PBX1: variants seen among roughly 807,000 people sequenced by gnomAD.
PBX1 encodes the protein pre-B-cell leukemia transcription factor 1.
Under a neutral mutation model 53.4 loss-of-function variants are expected in PBX1, and 6 were observed. The ratio of observed to expected loss-of-function variants is 0.11; its 90% CI spans 0.06 to 0.22. The LOEUF (loss-of-function observed/expected upper bound fraction) is 0.22. Ranked by LOEUF, PBX1 falls within the 10% of genes least tolerant of loss-of-function variation. The pLI is 1.00. For missense variants in PBX1, 251 were observed against 551.4 expected (o/e 0.46, Z 5.46); for synonymous variants, 204 against 212.3 (o/e 0.96, Z 0.34).
At chr1:164,777,599 AG>A (rs1227229477) in intron 2 of PBX1, among the ~76,000 whole-genome samples, 1 of 152,270 alleles carries the variant, frequency 6.6e-6, no homozygotes, top group African/African-American at 2.4e-5. Flanking sequence ...CTACAGTAGT[AG>A]CAAACAAAGG....
chr1:164,752,160 G>A (rs1041297909), intron 2 of PBX1, among the ~76,000 whole-genome samples: 4 of 151,204 alleles, frequency 2.6e-5, no homozygotes, highest in Non-Finnish European at 5.9e-5. Context: ...ACAAACAAGC[G>A]GAGATGTCAA....
At chr1:164,669,500 A>G (rs1031453046) in intron 2 of PBX1, among the ~76,000 whole-genome samples, 1 of 152,132 alleles carries the variant, frequency 6.6e-6, no homozygotes, top group African/African-American at 2.4e-5. Context: ...TGTTTCACAG[A>G]AATTTTATTC....
chr1:164,700,814 G>C, intron 2 of PBX1: 2 of 838,100 alleles, frequency 2.4e-6, no homozygotes, highest in Non-Finnish European at 2.9e-6. Context: ...TGTTTTGGTG[G>C]TGGCCAGCCC....
intron 2 of PBX1, among the ~76,000 whole-genome samples, chr1:164,670,038 C>T (rs1449674427): frequency 6.6e-6 from 1 of 152,200 alleles, no homozygotes; most frequent in East Asian, 1.9e-4. Flanking sequence ...AATATTTCCT[C>T]CTGCACATCT....
intron 2 of PBX1, among the ~76,000 whole-genome samples, chr1:164,703,549 A>G (rs1460781918): frequency 1.3e-5 from 2 of 152,180 alleles, no homozygotes; most frequent in African/African-American, 2.4e-5. Flanking sequence ...CTCCCTGCTC[A>G]TTACCACGAG....
intron 2 of PBX1, among the ~76,000 whole-genome samples, chr1:164,867,739 C>A (rs1242149306): frequency 6.6e-6 from 1 of 152,242 alleles, no homozygotes; most frequent in Non-Finnish European, 1.5e-5. Flanking sequence ...CGCTTACCAA[C>A]TGCTTCATAT....
chr1:164,872,620 A>G (rs1672408663), intron 2 of PBX1, among the ~76,000 whole-genome samples: 1 of 152,172 alleles, frequency 6.6e-6, no homozygotes, highest in Non-Finnish European at 1.5e-5. Flanking sequence ...TTTGTTCCAG[A>G]CAATGCACTT....
intron 2 of PBX1, among the ~76,000 whole-genome samples, chr1:164,868,074 T>C (rs183517617): frequency 3.3e-5 from 5 of 152,280 alleles, no homozygotes; most frequent in Admixed American, 2.6e-4. Context: ...CAGCATTTCA[T>C]GTGGGAGGAA....
At chr1:164,811,399 C>G (rs1158521021) in intron 5 of PBX1, among the ~76,000 whole-genome samples, 1 of 152,174 alleles carries the variant, frequency 6.6e-6, no homozygotes, top group African/African-American at 2.4e-5. Context: ...ACAGTTTTTC[C>G]TTATGTAGAT....
chr1:164,792,455 G>T (rs377380016), intron 2 of PBX1, 39 bp from the exon 3 acceptor site: 2 of 1,609,752 alleles, frequency 1.2e-6, no homozygotes, highest in East Asian at 2.2e-5. Context: ...TTCTTTCTTG[G>T]GTTACTATTA....
In PBX1 at chr1:164,559,470, A is replaced by G. The variant is rs1652853260; in HGVS notation, c.-353A>G. The G allele has an allele frequency of 3.7e-6, 1 of 272,690 alleles. No homozygotes were observed. Among genetic ancestry groups the G allele is most frequent in the Non-Finnish European group, 6.9e-6 (1 of 145,786 alleles). 16.9% of individuals were successfully genotyped at this position (272,690 alleles called of 1,614,324 possible). ...CGCCGGGAGCCCATTTCTGCCTTGC[A>G]AAGGAGACCGGACTGAAAAACCTAA... On this transcript the variant is annotated 5_prime_UTR_variant, in exon 1 of 9. Transcript: ENST00000420696.
At chr1:164,580,804 C>G (rs980128333) in intron 2 of PBX1, among the ~76,000 whole-genome samples, 2 of 152,172 alleles carry the variant, frequency 1.3e-5, no homozygotes, top group African/African-American at 4.8e-5. Flanking sequence ...GCCTGGAACT[C>G]CTGACCTCAG....
At chr1:164,738,042 A>G (rs550762553) in intron 2 of PBX1, among the ~76,000 whole-genome samples, 193 of 152,250 alleles carry the variant, frequency 1.3e-3, no homozygotes, top group African/African-American at 4.5e-3. Context: ...TGTGTAATCT[A>G]AAAATAATGC....
intron 8 of PBX1, among the ~76,000 whole-genome samples, chr1:164,834,916 T>G (rs1670958532): frequency 1.3e-5 from 2 of 152,168 alleles, no homozygotes. Context: ...AATTTTAAAT[T>G]TTTTTCTGAT....
chr1:164,704,581 A>G (rs1663319392), intron 2 of PBX1, among the ~76,000 whole-genome samples: 1 of 152,214 alleles, frequency 6.6e-6, no homozygotes, highest in East Asian at 1.9e-4. Flanking sequence ...AACTGATCTC[A>G]AAAATAATAT....
intron 2 of PBX1, among the ~76,000 whole-genome samples, chr1:164,720,970 A>C (rs1230082406): frequency 6.6e-6 from 1 of 152,150 alleles, no homozygotes; most frequent in Non-Finnish European, 1.5e-5. Context: ...CATCCTCTTG[A>C]GCAGGGGGAA....
At chr1:164,883,745 T>C (rs374376035) in intron 2 of PBX1, among the ~76,000 whole-genome samples, 10 of 152,276 alleles carry the variant, frequency 6.6e-5, no homozygotes, top group East Asian at 3.9e-4. Context: ...TGAATAGGAG[T>C]AATGCTTCAT....
intron 8 of PBX1, among the ~76,000 whole-genome samples, chr1:164,824,381 C>G (rs1670317311): frequency 6.6e-6 from 1 of 152,248 alleles, no homozygotes; most frequent in South Asian, 2.1e-4. Flanking sequence ...AAAATGGGGA[C>G]AGTAATTCCC....
At chr1:164,635,324 G>A (rs1049115295) in intron 2 of PBX1, among the ~76,000 whole-genome samples, 1 of 152,064 alleles carries the variant, frequency 6.6e-6, no homozygotes, top group Non-Finnish European at 1.5e-5. Context: ...AAAAGTGGGG[G>A]GCGAGGGGGG....
Sources: gnomAD v4.1 joint callset for allele counts (sites outside exome capture counted in the v4.1 genomes callset) on GRCh38, gnomAD v4.1.1 for gene constraint, MANE v1.5 for transcripts, NCBI Gene and HGNC (gene_info 2026-07-23, HGNC 2026-07-21) for gene names.